Variants in MARCHF1 observed in about 807,000 individuals in gnomAD.
MARCHF1 encodes membrane associated ring-CH-type finger 1.
Under a neutral mutation model 54.2 loss-of-function variants are expected in MARCHF1, and 40 were observed. The ratio of observed to expected loss-of-function variants is 0.74; its 90% CI spans 0.57 to 0.96. MARCHF1 has a LOEUF of 0.96. Among genes scored for constraint, MARCHF1 ranks in the 40% least tolerant of loss-of-function variants. The pLI, the probability that MARCHF1 is intolerant of heterozygous loss-of-function variation, is 0.00. For missense variants in MARCHF1, 586 were observed against 656.5 expected (o/e 0.89, Z 1.17); for synonymous variants, 236 against 236.3 (o/e 1.00, Z 0.01).
At chr4:164,016,086 G>T (rs962169447) in intron 2 of MARCHF1, among the ~76,000 whole-genome samples, 8 of 152,130 alleles carry the variant, frequency 5.3e-5, no homozygotes, top group Non-Finnish European at 1.2e-4. Flanking sequence ...AATGGACAAA[G>T]AAAATATTAT....
At chr4:163,909,047 T>C (rs2111329146) in intron 3 of MARCHF1, among the ~76,000 whole-genome samples, 1 of 152,292 alleles carries the variant, frequency 6.6e-6, no homozygotes, top group South Asian at 2.1e-4. Context: ...CTTCATTTTT[T>C]TAACATTACA....
At chr4:163,861,915 C>A (rs1376562607) in intron 3 of MARCHF1, among the ~76,000 whole-genome samples, 4 of 152,002 alleles carry the variant, frequency 2.6e-5, no homozygotes, top group African/African-American at 9.7e-5. Flanking sequence ...GAAATAGACT[C>A]ATGAATAGAG....
Position 163,874,522 on chromosome 4 carries a change from TTAGA to T in MARCHF1, c.-38-20357_-38-20354del, listed in dbSNP as rs1374714373. ...CACTTGATTTTTTTTTAAAGTCTAC[TTAGA>T]TAGCCTGCTAGCTATCAAGGTAACA... On this transcript the variant is annotated intron_variant, in intron 3 of 9. Transcript: ENST00000514618. Among the ~76,000 whole-genome samples the T allele has an allele frequency of 3.3e-5, 5 of 152,254 alleles. No individual in the cohort carries two copies. The South Asian group carries it at 6.2e-4, about 19-fold the overall frequency.
intron 1 of MARCHF1, among the ~76,000 whole-genome samples, chr4:164,181,934 A>G (rs1285003358): frequency 1.3e-5 from 2 of 152,156 alleles, no homozygotes; most frequent in African/African-American, 2.4e-5. Context: ...AAATTAAATC[A>G]TTTGCCAGTG....
In MARCHF1 at chr4:164,334,338, C is replaced by T. The variant is rs899806659; in HGVS notation, c.-323+49532G>A. Among the ~76,000 whole-genome samples, 10 of 152,292 alleles carry T rather than the reference C, an allele frequency of 6.6e-5. 1 individual carries two copies. The South Asian group carries it at 8.3e-4, about 13-fold the overall frequency. On this transcript the variant is annotated intron_variant, in intron 1 of 9. Transcript: ENST00000514618. ...CTGACTCTTTTGTTAGGGGCTAATG[C>T]AGCTTTGACATTATGTGGAAGCGAA...
At chr4:163,980,081 A>G (rs1752731268) in intron 3 of MARCHF1, among the ~76,000 whole-genome samples, 2 of 149,112 alleles carry the variant, frequency 1.3e-5, no homozygotes, top group Non-Finnish European at 3.0e-5. Flanking sequence ...CCAAAAGAAC[A>G]AAGCTGGAGG....
At chr4:164,111,020 A>G (rs1755823552) in intron 2 of MARCHF1, among the ~76,000 whole-genome samples, 1 of 151,852 alleles carries the variant, frequency 6.6e-6, no homozygotes, top group African/African-American at 2.4e-5. Flanking sequence ...TGTGAAATAA[A>G]TAAGTGTTAT....
intron 4 of MARCHF1, among the ~76,000 whole-genome samples, chr4:163,723,817 G>T (rs184020175): frequency 4.6e-5 from 7 of 152,228 alleles, no homozygotes; most frequent in African/African-American, 1.7e-4. Flanking sequence ...TGAACGAATC[G>T]GCTACTGAAG....
intron 1 of MARCHF1, among the ~76,000 whole-genome samples, chr4:164,288,930 C>A (rs1465396393): frequency 6.6e-6 from 1 of 152,052 alleles, no homozygotes; most frequent in East Asian, 1.9e-4. Context: ...ATTAGGAATT[C>A]TCTTTTATTC....
intron 1 of MARCHF1, among the ~76,000 whole-genome samples, chr4:164,334,136 T>C (rs546711881): frequency 1.3e-5 from 2 of 152,182 alleles, no homozygotes; most frequent in Non-Finnish European, 2.9e-5. Flanking sequence ...AGTACTGATA[T>C]GGAAGCTGCA....
At chr4:163,586,074 T>TATACCCTTAATGGATATTAGCATATTAGG in intron 7 of MARCHF1, 145 bp from the exon 8 acceptor site, 1 of 640,754 alleles carries the variant, frequency 1.6e-6, no homozygotes. Context: ...ACTTTGATGC[T>TATACCCTTAATGGATATTAGCATATTAGG]AGAACCAAAT....
intron 5 of MARCHF1, among the ~76,000 whole-genome samples, chr4:163,653,746 G>A (rs572692478): frequency 1.3e-5 from 2 of 151,900 alleles, no homozygotes; most frequent in African/African-American, 4.8e-5. Context: ...AGAGCTAAAT[G>A]AGGATTTTCT....
intron 2 of MARCHF1, among the ~76,000 whole-genome samples, chr4:164,087,474 A>T (rs1220452101): frequency 2.6e-5 from 4 of 152,184 alleles, no homozygotes; most frequent in Admixed American, 2.6e-4. Context: ...AGATAGACAA[A>T]GTACAATATA....
chr4:163,541,170 T>A (rs1738711483), intron 9 of MARCHF1, among the ~76,000 whole-genome samples: 2 of 152,254 alleles, frequency 1.3e-5, no homozygotes, highest in African/African-American at 4.8e-5. Context: ...TTTTTGAGCC[T>A]CTACTAACAC....
intron 1 of MARCHF1, among the ~76,000 whole-genome samples, chr4:164,277,032 G>T (rs1166894943): frequency 6.6e-6 from 1 of 151,296 alleles, no homozygotes; most frequent in Admixed American, 6.6e-5. Context: ...GAGTTCCACG[G>T]TGTTGAGAGT....
chr4:164,105,715 C>T (rs1385040683), intron 2 of MARCHF1, among the ~76,000 whole-genome samples: 1 of 92,516 alleles, frequency 1.1e-5, no homozygotes, highest in Non-Finnish European at 2.2e-5. Flanking sequence ...GCAAGGACTT[C>T]ATGTCTAAAA....
intron 1 of MARCHF1, among the ~76,000 whole-genome samples, chr4:164,252,015 G>C (rs7696535): frequency 0.61 from 92,686 of 151,892 alleles, 29,321 homozygotes; most frequent in Non-Finnish European, 0.71. Flanking sequence ...GAAAATCTCT[G>C]AAATTACTTT....
In MARCHF1 at chr4:164,050,132, C is replaced by T. The variant is rs117357974; in HGVS notation, c.-247-61423G>A. Among the ~76,000 whole-genome samples, 1,057 of 151,344 alleles carry T rather than the reference C, an allele frequency of 7.0e-3. 52 individuals carry two copies. In the East Asian group the frequency reaches 0.11, roughly 16 times the overall value. On this transcript the variant is annotated intron_variant, in intron 2 of 9. Transcript: ENST00000514618. ...TCTACTAAAAATACACAAATTAGCC[C>T]GGTGTCATGGTGGGTGCCTGTATTC...
chr4:164,351,819 C>A (rs567024589), intron 1 of MARCHF1, among the ~76,000 whole-genome samples: 11 of 151,606 alleles, frequency 7.3e-5, no homozygotes, highest in Middle Eastern at 3.2e-3. Context: ...CTCTGAGCTA[C>A]GGGAGGACAT....
Sources: allele counts gnomAD v4.1 joint callset (sites outside exome capture counted in the v4.1 genomes callset), GRCh38; gene constraint gnomAD v4.1.1; transcripts MANE v1.5; gene names NCBI Gene and HGNC (gene_info 2026-07-23, HGNC 2026-07-21).